The following ACO2 variants were observed in gnomAD, a reference collection of about 807,000 sequenced individuals.
ACO2 encodes the protein aconitate hydratase, mitochondrial.
A neutral mutation model predicts 84.5 loss-of-function variants in ACO2; 31 were observed. That is an observed-to-expected ratio of 0.37 (90% CI 0.28 to 0.50). The LOEUF (loss-of-function observed/expected upper bound fraction) is 0.50. ACO2 is among the 20% of genes least tolerant of loss of function. The pLI, the probability that ACO2 is intolerant of heterozygous loss-of-function variation, is 0.97. For missense variants in ACO2, 685 were observed against 1,029.3 expected, an observed-to-expected ratio of 0.67 and a Z score of 4.58; for synonymous variants, 414 against 412.7, an observed-to-expected ratio of 1.00 and a Z score of -0.04.
At position 41,526,472 on chromosome 22, in the gene ACO2, G is replaced by C. The variant is rs748694198; in HGVS notation, c.1953+19G>C. On this transcript the variant is annotated intron_variant, in intron 15 of 17. Coordinates refer to ENST00000216254, the MANE Select transcript of ACO2 (RefSeq NM_001098.3). Reference sequence around the variant, plus strand: ...CTACAAGGTGGGTCAGAGTTGATAGGGGCAATGCCAGTGGTCACTCCTGAA... The same window carrying C: ...CTACAAGGTGGGTCAGAGTTGATAGCGGCAATGCCAGTGGTCACTCCTGAA... 6.2e-7 allele frequency: 1 copy of C among 1,603,090 alleles called. No individual in the cohort carries two copies. The highest frequency in any genetic ancestry group is 8.5e-7 in the Non-Finnish European group (1 of 1,172,796).
At position 41,528,771 on chromosome 22, in the gene ACO2, T is replaced by TG. The variant is rs1012160138; in HGVS notation, c.*165dup. On this transcript the variant is annotated 3_prime_UTR_variant, in exon 18 of 18. Transcript: ENST00000216254. ...GCCCACGGAGTGACTGTGGTTGTGGTGGGGGGGTTCTTAAAATAACTTTTT... is the reference window on the plus strand; with the variant it reads ...GCCCACGGAGTGACTGTGGTTGTGGTGGGGGGGGTTCTTAAAATAACTTTTT... 117 of 1,100,404 alleles carry TG rather than the reference T, an allele frequency of 1.1e-4. No individual in the cohort carries two copies. The highest frequency in any genetic ancestry group is 4.4e-4 in the East Asian group (16 of 36,526). The allele number at this position is 1,100,404 out of a possible 1,614,324, so 68.2% of individuals were successfully genotyped here. A position where few individuals can be genotyped will look rare whatever the true frequency, so the allele number is the denominator to read the frequency against.
intron 1 of ACO2, among the ~76,000 whole-genome samples, chr22:41,473,669 TAG>T (rs768655940): frequency 2.0e-5 from 3 of 152,044 alleles, no homozygotes; most frequent in Non-Finnish European, 4.4e-5. Flanking sequence ...GAAGATAAGG[TAG>T]AGAGAATAGG....
At chr22:41,472,084 G>C (rs2037952280) in intron 1 of ACO2, among the ~76,000 whole-genome samples, 1 of 152,200 alleles carries the variant, frequency 6.6e-6, no homozygotes, top group Non-Finnish European at 1.5e-5. Flanking sequence ...GCAGGGTGCA[G>C]TGTCTCACGC....
At chr22:41,502,812 G>GT (rs2066362913) in intron 2 of ACO2, among the ~76,000 whole-genome samples, 1 of 152,114 alleles carries the variant, frequency 6.6e-6, no homozygotes, top group African/African-American at 2.4e-5. Context: ...GTTTCACCAT[G>GT]TTGGCCAGGC....
chr22:41,481,195 G>A (rs1359442421), intron 1 of ACO2, among the ~76,000 whole-genome samples: 1 of 152,210 alleles, frequency 6.6e-6, no homozygotes, highest in Non-Finnish European at 1.5e-5. Context: ...AGGTCCCACA[G>A]CTAGGGAAGC....
intron 1 of ACO2, among the ~76,000 whole-genome samples, chr22:41,476,714 A>G (rs1375147560): frequency 1.3e-5 from 2 of 152,134 alleles, no homozygotes; most frequent in Admixed American, 1.3e-4. Context: ...TGTCTCAAAA[A>G]CAAAACAAAA....
At chr22:41,512,008 C>T in intron 4 of ACO2, 40 bp downstream of exon 4, 1 of 1,546,790 alleles carries the variant, frequency 6.5e-7, no homozygotes, top group Non-Finnish European at 8.8e-7. Flanking sequence ...GGGCCCAAGC[C>T]AGAGAAGTAT....
At chr22:41,503,168 T>TAAAA (rs2066365589) in intron 2 of ACO2, among the ~76,000 whole-genome samples, 1 of 152,250 alleles carries the variant, frequency 6.6e-6, no homozygotes. Context: ...GTTTTAATTT[T>TAAAA]ATCATTAAAA....
chr22:41,518,655 G>A lies in ACO2; in HGVS notation c.1032+83G>A, dbSNP rs528114117. 4 of 1,094,408 alleles carry A rather than the reference G, an allele frequency of 3.7e-6. No individual in the cohort carries two copies. In the East Asian group the frequency reaches 7.3e-5, roughly 20 times the overall value. The allele number at this position is 1,094,408 out of a possible 1,614,324, so 67.8% of individuals were successfully genotyped here. A position where few individuals can be genotyped will look rare whatever the true frequency, so the allele number is the denominator to read the frequency against. On this transcript the variant is annotated intron_variant, in intron 8 of 17. Transcript: ENST00000216254. Reference sequence around the variant, plus strand: ...GGTCCTGCCTAAATACTCACTGAGGGCCGGGTGGTGGCTCACAGCTGTAAT... The same window carrying A: ...GGTCCTGCCTAAATACTCACTGAGGACCGGGTGGTGGCTCACAGCTGTAAT...
intron 2 of ACO2, among the ~76,000 whole-genome samples, chr22:41,505,408 C>A (rs1357349749): frequency 6.6e-6 from 1 of 150,930 alleles, no homozygotes; most frequent in African/African-American, 2.4e-5. Context: ...CAGAGCAAGA[C>A]CCTGTCTCAA....
At chr22:41,517,388 G>C (rs971855616) in intron 6 of ACO2, 139 bp from the exon 7 acceptor site, 2 of 705,196 alleles carry the variant, frequency 2.8e-6, no homozygotes, top group African/African-American at 3.5e-5. Context: ...GGATGAGTCG[G>C]CCCGCTGTCA....
In ACO2 at chr22:41,522,990, G is replaced by A; in HGVS notation, c.1296+3G>A. ...CCACCATTGAGCGGGACGGCTATGT[G>A]AGTGCCCATATCCCCCTGCCCATCT... On this transcript the variant is annotated splice_donor_region_variant and intron_variant, in intron 10 of 17. Transcript: ENST00000216254. 1 of 1,614,056 alleles carries A rather than the reference G, an allele frequency of 6.2e-7. No homozygotes were observed. Among genetic ancestry groups the A allele is most frequent in the Non-Finnish European group, 8.5e-7 (1 of 1,179,974 alleles).
intron 9 of ACO2, 38 bp downstream of exon 9, chr22:41,520,314 G>C: frequency 6.4e-7 from 1 of 1,551,544 alleles, no homozygotes; most frequent in South Asian, 1.1e-5. Flanking sequence ...GCAGGTCTCA[G>C]GGCCAGTGGC....
chr22:41,513,920 ATGTGGACCACAAGTGTCTACACCG>A (rs558555733), intron 4 of ACO2, among the ~76,000 whole-genome samples: 100 of 151,472 alleles, frequency 6.6e-4, no homozygotes, highest in African/African-American at 1.4e-3. Context: ...CTCCCCCTGG[ATGTGGACCACAAGTGTCTACACCG>A]TGTGGACCAC....
intron 1 of ACO2, among the ~76,000 whole-genome samples, chr22:41,475,576 A>G (rs747079990): frequency 2.2e-4 from 33 of 152,066 alleles, no homozygotes; most frequent in Non-Finnish European, 4.6e-4. Flanking sequence ...AAGGTATTGT[A>G]GAGAGACTTC....
intron 6 of ACO2, 48 bp from the exon 7 acceptor site, chr22:41,517,479 A>T: frequency 6.5e-7 from 1 of 1,533,176 alleles, no homozygotes; most frequent in Non-Finnish European, 9.0e-7. Flanking sequence ...GGTGTGTGGG[A>T]CCCTGGCCCG....
intron 4 of ACO2, among the ~76,000 whole-genome samples, chr22:41,514,952 C>T (rs1216702256): frequency 1.3e-5 from 2 of 152,236 alleles, no homozygotes; most frequent in African/African-American, 4.8e-5. Flanking sequence ...CTGGAGCCAG[C>T]TCCTGGAAGA....
chr22:41,478,628 G>A (rs1025320523), intron 1 of ACO2, among the ~76,000 whole-genome samples: 10 of 152,126 alleles, frequency 6.6e-5, no homozygotes, highest in Non-Finnish European at 4.4e-5. Context: ...GGCCTGGTGA[G>A]TATTTCTGCT....
intron 9 of ACO2, 110 bp from the exon 10 acceptor site, chr22:41,522,720 A>T (rs1009318348): frequency 7.0e-6 from 9 of 1,278,590 alleles, no homozygotes; most frequent in Non-Finnish European, 8.6e-6. Context: ...TCTCTGGCCC[A>T]GCCCAGATGG....
Sources: allele counts gnomAD v4.1 joint callset (sites outside exome capture counted in the v4.1 genomes callset), GRCh38; gene constraint gnomAD v4.1.1; transcripts MANE v1.5; gene names NCBI Gene and HGNC (gene_info 2026-07-23, HGNC 2026-07-21).